Variants in OPN4 observed in about 807,000 individuals in gnomAD.
OPN4 encodes melanopsin.
Under a neutral mutation model 49.5 loss-of-function variants are expected in OPN4, and 43 were observed. That is an observed-to-expected ratio of 0.87 (90% CI 0.68 to 1.12). The LOEUF (loss-of-function observed/expected upper bound fraction) is 1.12. Among genes scored for constraint, OPN4 ranks in the 50% most tolerant of loss-of-function variants. The pLI, the probability that OPN4 is intolerant of heterozygous loss-of-function variation, is 0.00. For missense variants in OPN4, 657 were observed against 643.9 expected, an observed-to-expected ratio of 1.02 and a Z score of -0.22; for synonymous variants, 263 against 258.0, an observed-to-expected ratio of 1.02 and a Z score of -0.19.
chr10:86,660,854 T>G (rs1843986166), intron 6 of OPN4, among the ~76,000 whole-genome samples: 1 of 152,202 alleles, frequency 6.6e-6, no homozygotes, highest in African/African-American at 2.4e-5. Context: ...AGGCCAGGCA[T>G]GGTGGCTCAC....
Position 86,662,287 on chromosome 10 carries a change from T to C in OPN4, c.1109T>C (p.Val370Ala), listed in dbSNP as rs759624289. ...AIAQHLPCLG[V>A]LLGVSRRHSR... ...GCCCAGCACCTGCCCTGCCTGGGGG[T>C]GCTGCTGGGTGTATCACGCCGGCAC... The change falls in exon 8 of 10, where the codon GTG becomes GCG. Residue 370 changes from valine to alanine, a missense_variant. By Grantham distance (64) the Val-to-Ala change is moderately conservative (BLOSUM62 0). Transcript: ENST00000241891. The C allele has an allele frequency of 1.2e-6, 2 of 1,609,308 alleles. No homozygotes were observed. The highest frequency in any genetic ancestry group is 2.2e-5 in the South Asian group (2 of 90,002).
At chr10:86,660,124 C>A in intron 6 of OPN4, 65 bp downstream of exon 6, 2 of 1,560,658 alleles carry the variant, frequency 1.3e-6, no homozygotes, top group Non-Finnish European at 1.8e-6. Flanking sequence ...AGAAGCCTGG[C>A]CAGCCTCTCC....
intron 8 of OPN4, among the ~76,000 whole-genome samples, chr10:86,663,118 G>A (rs1844055301): frequency 6.6e-6 from 1 of 152,192 alleles, no homozygotes; most frequent in African/African-American, 2.4e-5. Flanking sequence ...TCCCCTAGAT[G>A]TCCCCAGGAA....
intron 7 of OPN4, among the ~76,000 whole-genome samples, chr10:86,661,884 G>A (rs2132306972): frequency 1.3e-5 from 2 of 152,222 alleles, no homozygotes; most frequent in Middle Eastern, 6.8e-3. Flanking sequence ...ACCTTCCCAA[G>A]GCCAGTGGCA....
chr10:86,659,998 A>T lies in OPN4; in HGVS notation c.904A>T (p.Ile302Phe). The T allele has an allele frequency of 6.2e-7, 1 of 1,614,196 alleles. No homozygotes were observed. The highest frequency in any genetic ancestry group is 8.5e-7 in the Non-Finnish European group (1 of 1,180,024). ...CKMAKIMLLV[I>F]LLFVLSWAPY... ...GATGGCCAAGATCATGCTGCTGGTCATCCTCCTCTTCGTGCTCTCCTGGGC... is the reference window on the plus strand; with the variant it reads ...GATGGCCAAGATCATGCTGCTGGTCTTCCTCCTCTTCGTGCTCTCCTGGGC... The change falls in exon 6 of 10, where the codon ATC (isoleucine) becomes TTC (phenylalanine). Residue 302 changes from isoleucine (I) to phenylalanine (F), a missense_variant. Transcript: ENST00000241891.
intron 6 of OPN4, 30 bp from the exon 7 acceptor site, chr10:86,661,251 A>G: frequency 6.3e-7 from 1 of 1,577,022 alleles, no homozygotes; most frequent in Non-Finnish European, 8.7e-7. Context: ...AGGGCCAGCT[A>G]GCTTGGGGAC....
rs1843891709 is a variant in OPN4 at position 86,657,281 on chromosome 10, G to T, written c.291-751G>T. On this transcript the variant is annotated intron_variant, in intron 2 of 9. Transcript: ENST00000241891. ...AGATGAGCCACTTACTGAGTGCTGTGCACCGGAGCAAGTCACTTCATGAGT... is the reference window on the plus strand; with the variant it reads ...AGATGAGCCACTTACTGAGTGCTGTTCACCGGAGCAAGTCACTTCATGAGT... The T allele has an allele frequency of 2.1e-5, 16 of 775,544 alleles. No individual in the cohort carries two copies. In the Admixed American group the frequency reaches 2.7e-4, roughly 13 times the overall value. 48.0% of individuals were successfully genotyped at this position (775,544 alleles called of 1,614,324 possible).
chr10:86,663,420 T>C (rs35732874), intron 8 of OPN4, among the ~76,000 whole-genome samples: 10,858 of 152,242 alleles, frequency 0.071, 422 homozygotes, highest in South Asian at 0.14. Context: ...GCCACTTTCT[T>C]AGCAAGGTGT....
chr10:86,661,274 G>A lies in OPN4; in HGVS notation c.966-7G>A. On this transcript the variant is annotated splice_region_variant and splice_polypyrimidine_tract_variant and intron_variant, in intron 6 of 9. Coordinates refer to ENST00000241891, the MANE Select transcript of OPN4 (RefSeq NM_033282.4). ...CTAGCTTGGGGACCACACCTTCTCT[G>A]TCCTAGGTACGCACACGTCCTGACA... The A allele has an allele frequency of 6.2e-7, 1 of 1,612,464 alleles. No homozygotes were observed. The highest frequency in any genetic ancestry group is 1.7e-4 in the Middle Eastern group (1 of 6,060).
Position 86,654,902 on chromosome 10 carries a change from G to A in OPN4, c.119G>A (p.Gly40Asp), listed in dbSNP as rs1843830213. The A allele has an allele frequency of 6.2e-7, 1 of 1,613,860 alleles. No individual in the cohort carries two copies. The highest frequency in any genetic ancestry group is 1.1e-5 in the South Asian group (1 of 91,082). Residue 40 changes from glycine (G) to aspartate (D), a missense_variant, in exon 1 of 10, where the codon GGC (glycine) becomes GAC (aspartate). Physicochemically the swap from Gly to Asp is moderately conservative, Grantham distance 94 (BLOSUM62 -1). Transcript: ENST00000241891. Reference sequence around the variant, plus strand: ...TCCCAGAGCAGCATCTCCAGCCTGGGCCGGCTTCCATCCATCAGTCCCACA... The same window carrying A: ...TCCCAGAGCAGCATCTCCAGCCTGGACCGGCTTCCATCCATCAGTCCCACA... ...DSSQSSISSL[G>D]RLPSISPTAP...
intron 7 of OPN4, 47 bp from the exon 8 acceptor site, chr10:86,662,205 T>A: frequency 6.4e-7 from 1 of 1,555,368 alleles, no homozygotes; most frequent in Non-Finnish European, 8.8e-7. Context: ...CTCCCCTGCA[T>A]CTGTCTGCCC....
chr10:86,663,206 C>A (rs534281564), intron 8 of OPN4, among the ~76,000 whole-genome samples: 1 of 152,292 alleles, frequency 6.6e-6, no homozygotes, highest in South Asian at 2.1e-4. Flanking sequence ...CCTCTATGGG[C>A]CTCAGCAAGA....
At chr10:86,661,908 C>T (rs1277029203) in intron 7 of OPN4, among the ~76,000 whole-genome samples, 1 of 152,138 alleles carries the variant, frequency 6.6e-6, no homozygotes, top group Non-Finnish European at 1.5e-5. Context: ...CTGAGCCCGT[C>T]CAGCACAGAG....
In OPN4 at chr10:86,663,754, C is replaced by G; in HGVS notation, c.1350C>G (p.Ala450=). The part of the protein sequence containing the change: ...LYGQGLEDLE[A]KAPPRPQGHE... ...GTCAGGGTCTGGAGGACTTGGAAGC[C>G]AAGGCACCCCCCAGACCCCAGGGAC... The change falls in exon 9 of 10, where the codon GCC becomes GCG. Residue 450 remains alanine, a synonymous_variant. Transcript: ENST00000241891. 1 of 1,566,658 alleles carries G rather than the reference C, an allele frequency of 6.4e-7. No individual in the cohort carries two copies. The highest frequency in any genetic ancestry group is 8.6e-7 in the Non-Finnish European group (1 of 1,156,116).
intron 1 of OPN4, among the ~76,000 whole-genome samples, 189 bp from the exon 2 acceptor site, chr10:86,655,966 G>T (rs1032990936): frequency 7.9e-5 from 12 of 152,246 alleles, no homozygotes; most frequent in African/African-American, 2.9e-4. Flanking sequence ...AGCTTGGGCT[G>T]GACTTTAGAA....
At chr10:86,663,861 C>G in intron 9 of OPN4, 59 bp downstream of exon 9, 1 of 1,530,122 alleles carries the variant, frequency 6.5e-7, no homozygotes, top group Non-Finnish European at 8.8e-7. Flanking sequence ...GCCAGTAGCC[C>G]AGGGAGAGGC....
At position 86,663,962 on chromosome 10, in the gene OPN4, G is replaced by A. The variant is rs184948636; in HGVS notation, c.1398+160G>A. On this transcript the variant is annotated intron_variant, in intron 9 of 9. Transcript: ENST00000241891. ...CCTCCCAGCTTTTCCTTGTCTGCCT[G>A]GGGTTCTCTGTGACTCTGAGATGCT... The A allele has an allele frequency of 1.3e-4, 112 of 841,994 alleles. No individual in the cohort carries two copies. In the African/African-American group the frequency reaches 1.8e-3, roughly 14 times the overall value. 52.2% of individuals were successfully genotyped at this position (841,994 alleles called of 1,614,324 possible). A position where few individuals can be genotyped will look rare whatever the true frequency, so the allele number is the denominator to read the frequency against.
intron 4 of OPN4, 123 bp from the exon 5 acceptor site, chr10:86,659,174 G>C: frequency 1.4e-6 from 1 of 722,302 alleles, no homozygotes; most frequent in Non-Finnish European, 2.3e-6. Flanking sequence ...CACTGCATGG[G>C]ACAGGGCCAG....
intron 9 of OPN4, chr10:86,664,068 G>T: frequency 2.3e-6 from 1 of 427,076 alleles, no homozygotes; most frequent in Non-Finnish European, 4.2e-6. Flanking sequence ...GGTGCTGTTG[G>T]CTGTGCTGTG....
Sources: allele counts gnomAD v4.1 joint callset (sites outside exome capture counted in the v4.1 genomes callset), GRCh38; gene constraint gnomAD v4.1.1; transcripts MANE v1.5; gene names NCBI Gene and HGNC (gene_info 2026-07-23, HGNC 2026-07-21).